The following DIAPH2 variants were observed in gnomAD, a reference collection of about 807,000 sequenced individuals.
DIAPH2 encodes the protein diaphanous related formin 2, also known as protein diaphanous homolog 2.
In DIAPH2, 35 loss-of-function variants were observed where a neutral mutation model predicts 92.7. That is an observed-to-expected ratio of 0.38 (90% CI 0.29 to 0.50). DIAPH2 has a LOEUF of 0.50. DIAPH2 is among the 20% of genes least tolerant of loss of function. The pLI, the probability that DIAPH2 is intolerant of heterozygous loss-of-function variation, is 0.94. For synonymous variants in DIAPH2, 301 were observed against 280.4 expected (o/e 1.07, Z -0.73); for missense variants, 701 against 819.5 (o/e 0.86, Z 1.77).
chrX:97,509,054 T>TATTA (rs1556170936), intron 26 of DIAPH2, among the ~76,000 whole-genome samples: 27 of 106,109 alleles, frequency 2.5e-4, no homozygotes, highest in East Asian at 1.1e-3. Context: ...TTTATTTATT[T>TATTA]ATTATTTTTT....
intron 26 of DIAPH2, among the ~76,000 whole-genome samples, chrX:97,493,836 G>A (rs150701860): frequency 0.028 from 3,019 of 108,373 alleles, 35 homozygotes; most frequent in Non-Finnish European, 0.039. Context: ...CAATGAGCCC[G>A]AGATTGTGCC....
chrX:96,914,836 C>A (rs1239734959), intron 7 of DIAPH2, among the ~76,000 whole-genome samples: 1 of 111,454 alleles, frequency 9.0e-6, no homozygotes, highest in African/African-American at 3.2e-5. Flanking sequence ...ATTAATGGAT[C>A]TTTTGAATTA....
At position 96,771,787 on chromosome X, in the gene DIAPH2, A is replaced by G. The variant is rs937647183; in HGVS notation, c.447+13529A>G. Among the ~76,000 whole-genome samples, 5 of 111,558 alleles carry G rather than the reference A, an allele frequency of 4.5e-5. No individual in the cohort carries two copies. In the East Asian group the frequency reaches 1.1e-3, roughly 25 times the overall value. ...GTAGTTGGCTCATGCCTGTAATCCC[A>G]GCACTTTAGGAGGGTGAGATGGGAG... On this transcript the variant is annotated intron_variant, in intron 4 of 26. Coordinates refer to ENST00000324765, the MANE Select transcript of DIAPH2 (RefSeq NM_006729.5).
At chrX:96,689,744 C>T (rs1214510062) in intron 1 of DIAPH2, among the ~76,000 whole-genome samples, 1 of 111,331 alleles carries the variant, frequency 9.0e-6, no homozygotes, top group Non-Finnish European at 1.9e-5. Context: ...TTCTTCTGGA[C>T]TCAATAACTG....
At chrX:97,496,919 A>G (rs985659211) in intron 26 of DIAPH2, among the ~76,000 whole-genome samples, 7 of 112,204 alleles carry the variant, frequency 6.2e-5, no homozygotes, top group Admixed American at 1.9e-4. Flanking sequence ...TAAAACTGAT[A>G]CATTTTTATA....
intron 25 of DIAPH2, among the ~76,000 whole-genome samples, chrX:97,395,477 A>G (rs2069696290): frequency 8.9e-6 from 1 of 112,211 alleles, no homozygotes; most frequent in Non-Finnish European, 1.9e-5. Flanking sequence ...TCTCTGGGCC[A>G]TTATTCAGAG....
chrX:97,075,677 T>A (rs2066700279), intron 19 of DIAPH2, among the ~76,000 whole-genome samples: 1 of 112,010 alleles, frequency 8.9e-6, no homozygotes, highest in Non-Finnish European at 1.9e-5. Flanking sequence ...ACATACCCAT[T>A]GTTAAGTTGA....
Position 97,598,363 on chromosome X carries a change from G to A in DIAPH2, c.3242-890G>A, listed in dbSNP as rs148682746. 7.6e-3 allele frequency among the ~76,000 whole-genome samples: 856 copies of A among 112,039 alleles called. 12 individuals carry two copies. Among genetic ancestry groups the A allele is most frequent in the African/African-American group, 0.026 (805 of 30,865 alleles). ...ATGTTGTGTGAATTAGCAAATTAAC[G>A]AGTGTAAAGTGTTAGCATTTATGTA... On this transcript the variant is annotated intron_variant, in intron 26 of 26. Coordinates refer to ENST00000324765, the MANE Select transcript of DIAPH2 (RefSeq NM_006729.5).
At chrX:97,272,310 T>C (rs1432158230) in intron 23 of DIAPH2, among the ~76,000 whole-genome samples, 2 of 111,735 alleles carry the variant, frequency 1.8e-5, no homozygotes, top group Non-Finnish European at 3.8e-5. Flanking sequence ...TAAAAACTTT[T>C]TGAGTGCCTA....
At chrX:96,768,209 T>C (rs1362417190) in intron 4 of DIAPH2, among the ~76,000 whole-genome samples, 2 of 112,384 alleles carry the variant, frequency 1.8e-5, no homozygotes, top group African/African-American at 3.2e-5. Context: ...TGATTACATA[T>C]GATAGTTGGA....
intron 26 of DIAPH2, among the ~76,000 whole-genome samples, chrX:97,535,319 A>C (rs966893794): frequency 1.8e-5 from 2 of 112,356 alleles, no homozygotes; most frequent in Non-Finnish European, 3.8e-5. Context: ...TAAACCTAAA[A>C]TTATTCTAAA....
intron 4 of DIAPH2, among the ~76,000 whole-genome samples, chrX:96,867,635 CA>C (rs1380985549): frequency 2.7e-5 from 3 of 111,661 alleles, no homozygotes; most frequent in Non-Finnish European, 5.6e-5. Flanking sequence ...TTATTTATCA[CA>C]AAAGGCTTGA....
chrX:96,889,115 A>G (rs901034069), intron 5 of DIAPH2, among the ~76,000 whole-genome samples: 6 of 111,950 alleles, frequency 5.4e-5, no homozygotes, highest in Non-Finnish European at 9.4e-5. Context: ...CTCATCTATC[A>G]GCTTAAGAGA....
At chrX:96,812,927 T>G (rs766347714) in intron 4 of DIAPH2, among the ~76,000 whole-genome samples, 6 of 111,444 alleles carry the variant, frequency 5.4e-5, no homozygotes, top group African/African-American at 2.0e-4. Flanking sequence ...TGCTGAGGAG[T>G]GCTTTACTTC....
intron 4 of DIAPH2, among the ~76,000 whole-genome samples, chrX:96,765,824 G>T (rs2064300343): frequency 9.0e-6 from 1 of 111,053 alleles, no homozygotes; most frequent in Non-Finnish European, 1.9e-5. Context: ...TCTTCTATCT[G>T]CATAGGAACA....
chrX:97,408,025 A>G (rs2147755759), intron 25 of DIAPH2, among the ~76,000 whole-genome samples: 1 of 111,897 alleles, frequency 8.9e-6, no homozygotes, highest in South Asian at 3.7e-4. Flanking sequence ...TGATGTTCAG[A>G]AATTGATATA....
intron 21 of DIAPH2, among the ~76,000 whole-genome samples, chrX:97,126,251 A>C (rs1221719785): frequency 8.9e-6 from 1 of 111,778 alleles, no homozygotes; most frequent in African/African-American, 3.2e-5. Context: ...AGCTACCATG[A>C]CTAAGTTTGA....
At chrX:96,980,484 G>A (rs1460199330) in intron 17 of DIAPH2, among the ~76,000 whole-genome samples, 1 of 110,591 alleles carries the variant, frequency 9.0e-6, no homozygotes, top group Non-Finnish European at 1.9e-5. Context: ...AGGATGGGGG[G>A]CAGGGTGGGT....
At position 97,022,378 on chromosome X, in the gene DIAPH2, C is replaced by A. The variant is rs998334326; in HGVS notation, c.2051-50563C>A. Among the ~76,000 whole-genome samples the A allele has an allele frequency of 2.3e-4, 26 of 111,665 alleles. 1 individual carries two copies. ...TGGAAGATGGCGTGGTACTATTTTT[C>A]TTCTGGTAGGTGGAATAGTAAAAGT... On this transcript the variant is annotated intron_variant, in intron 17 of 26. Transcript: ENST00000324765.
Sources: gnomAD v4.1 joint callset for allele counts (sites outside exome capture counted in the v4.1 genomes callset) on GRCh38, gnomAD v4.1.1 for gene constraint, MANE v1.5 for transcripts, NCBI Gene and HGNC (gene_info 2026-07-23, HGNC 2026-07-21) for gene names.